OTOA: variants seen among roughly 807,000 people sequenced by gnomAD.
OTOA encodes cancer/testis antigen 108.
OTOA carries 70 observed loss-of-function variants against 110.8 expected under a neutral mutation model. The observed-to-expected ratio is 0.63, with a 90% CI of 0.52 to 0.77. The LOEUF is 0.77. Among genes scored for constraint, OTOA ranks in the 30% least tolerant of loss-of-function variants. The probability of loss-of-function intolerance (pLI) is 0.00; values close to 1 mark genes in which losing one functional copy is unlikely to be tolerated. For synonymous variants in OTOA, 373 were observed against 431.5 expected, an observed-to-expected ratio of 0.86 and a Z score of 1.68; for missense variants, 917 against 1,075.8, an observed-to-expected ratio of 0.85 and a Z score of 2.06.
chr16:21,760,641 C>T lies in OTOA; in HGVS notation c.*101C>T. 1.9e-6 allele frequency: 2 copies of T among 1,069,988 alleles called. No homozygotes were observed. The highest frequency in any genetic ancestry group is 2.8e-6 in the Non-Finnish European group (2 of 720,290). The allele number at this position is 1,069,988 out of a possible 1,614,324, so 66.3% of individuals were successfully genotyped here. On this transcript the variant is annotated 3_prime_UTR_variant, in exon 29 of 29. Coordinates refer to ENST00000646100, the MANE Select transcript of OTOA (RefSeq NM_144672.4). ...GGGACACCCTTCCCTGGATCCAGAC[C>T]CTCATCTAGGGCAGGGAAACCCTGG...
At chr16:21,730,705 A>G (rs1003731817) in intron 20 of OTOA, 132 bp from the exon 21 acceptor site, 4 of 731,606 alleles carry the variant, frequency 5.5e-6, no homozygotes, top group Non-Finnish European at 9.6e-6. Flanking sequence ...TTCTTGGTCA[A>G]GGAAGTGGGA....
Position 21,700,934 on chromosome 16 carries a change from T to A in OTOA, c.887T>A (p.Met296Lys). ...SYDNATKQLD[M>K]VYDITPELAQ... Reference sequence around the variant, plus strand: ...GACAACGCCACCAAGCAGCTGGACATGGTCTATGACATCACACCTGAGCTG... The same window carrying A: ...GACAACGCCACCAAGCAGCTGGACAAGGTCTATGACATCACACCTGAGCTG... Residue 296 changes from methionine (M) to lysine (K), a missense_variant, in exon 11 of 29, where the codon ATG becomes AAG. By Grantham distance (95) the Met-to-Lys change is moderately conservative. This residue lies in a region of OTOA where 840 missense variants were observed against 910.2 expected (regional missense o/e 0.92). Transcript: ENST00000646100. 1 of 1,614,044 alleles carries A rather than the reference T, an allele frequency of 6.2e-7. No individual in the cohort carries two copies. Among genetic ancestry groups the A allele is most frequent in the Non-Finnish European group, 8.5e-7 (1 of 1,180,004 alleles).
intron 15 of OTOA, 79 bp from the exon 16 acceptor site, chr16:21,719,054 T>A: frequency 7.3e-7 from 1 of 1,373,862 alleles, no homozygotes; most frequent in East Asian, 2.3e-5. Context: ...GATTGTGGAA[T>A]GCCTTCCTGA....
At chr16:21,723,982 CA>C (rs1221866326) in intron 18 of OTOA, among the ~76,000 whole-genome samples, 1 of 152,160 alleles carries the variant, frequency 6.6e-6, no homozygotes, top group African/African-American at 2.4e-5. Flanking sequence ...TGACTGACTT[CA>C]ATCTGTATTG....
chr16:21,714,489 T>C (rs4997884), intron 13 of OTOA, among the ~76,000 whole-genome samples: 22 of 131,508 alleles, frequency 1.7e-4, no homozygotes, highest in Non-Finnish European at 2.9e-4. Flanking sequence ...CCTCTCCCTC[T>C]CTCTCTCTCT....
chr16:21,717,159 G>A (rs1449590723), intron 15 of OTOA, 112 bp downstream of exon 15: 11 of 1,440,470 alleles, frequency 7.6e-6, no homozygotes, highest in Non-Finnish European at 1.1e-5. Flanking sequence ...TGTGGGATTA[G>A]TATAGGAGGC....
At chr16:21,679,239 G>C in intron 5 of OTOA, 28 bp downstream of exon 5, 2 of 1,606,236 alleles carry the variant, frequency 1.2e-6, no homozygotes, top group Non-Finnish European at 1.7e-6. Context: ...AGAGGGGAAG[G>C]GATGGTATAG....
Position 21,728,245 on chromosome 16 carries a change from A to T in OTOA, c.2021A>T (p.Asp674Val), listed in dbSNP as rs930322780. 1.2e-6 allele frequency: 2 copies of T among 1,613,738 alleles called. No homozygotes were observed. Among genetic ancestry groups the T allele is most frequent in the Non-Finnish European group, 1.7e-6 (2 of 1,179,948 alleles). The part of the protein sequence containing the change: ...VLRKVQQCLD[D>V]SIADEYTVDI... ...GGCTCCACTTTTTGGGTTCAGGACGACTCCATTGCTGATGAGTACACTGTG... is the reference window on the plus strand; with the variant it reads ...GGCTCCACTTTTTGGGTTCAGGACGTCTCCATTGCTGATGAGTACACTGTG... Residue 674 changes from aspartate to valine, a missense_variant, in exon 20 of 29, where the codon GAC (aspartate) becomes GTC (valine). Asp to Val is a radical substitution (Grantham distance 152, BLOSUM62 -3). This residue lies in a region of OTOA where 840 missense variants were observed against 910.2 expected (regional missense o/e 0.92). Coordinates refer to ENST00000646100, the MANE Select transcript of OTOA (RefSeq NM_144672.4).
intron 9 of OTOA, among the ~76,000 whole-genome samples, chr16:21,695,708 G>A (rs185359463): frequency 2.4e-4 from 37 of 151,428 alleles, no homozygotes; most frequent in Non-Finnish European, 5.4e-4. Flanking sequence ...AGCTCTTGAT[G>A]TTAGAGTCAC....
rs569653830 is a variant in OTOA at position 21,726,701 on chromosome 16, G to A, written c.2016+43G>A. The A allele has an allele frequency of 2.5e-6, 4 of 1,612,956 alleles. No individual in the cohort carries two copies. In the South Asian group the frequency reaches 3.3e-5, roughly 13 times the overall value. ...GGGTGTCCCCTCCCTCTGGGTATCT[G>A]TGGCCATCTTGGGGAGCCCTGTGAG... On this transcript the variant is annotated intron_variant, in intron 19 of 28. Coordinates refer to ENST00000646100, the MANE Select transcript of OTOA (RefSeq NM_144672.4).
At chr16:21,696,799 A>T (rs1324808037) in intron 9 of OTOA, among the ~76,000 whole-genome samples, 1 of 152,028 alleles carries the variant, frequency 6.6e-6, no homozygotes, top group Non-Finnish European at 1.5e-5. Flanking sequence ...ATGTTTCCAG[A>T]TTATTTAGTA....
chr16:21,700,604 A>C (rs1430874571), intron 10 of OTOA, among the ~76,000 whole-genome samples: 3 of 151,880 alleles, frequency 2.0e-5, no homozygotes, highest in Non-Finnish European at 4.4e-5. Flanking sequence ...GGGCACCTGT[A>C]GTCCCAGCTA....
At chr16:21,721,434 G>GT in intron 17 of OTOA, 1 of 456,000 alleles carries the variant, frequency 2.2e-6, no homozygotes, top group South Asian at 1.5e-5. Context: ...CCTCTAGTGG[G>GT]TAGAGGCCAG....
At chr16:21,728,923 A>C (rs1899019746) in intron 20 of OTOA, among the ~76,000 whole-genome samples, 2 of 152,178 alleles carry the variant, frequency 1.3e-5, no homozygotes. Context: ...AATCAATAGT[A>C]GCTGCCCTAA....
chr16:21,696,600 C>T (rs1004148505), intron 9 of OTOA, among the ~76,000 whole-genome samples: 6 of 151,914 alleles, frequency 3.9e-5, no homozygotes, highest in African/African-American at 9.7e-5. Flanking sequence ...GACAGAGTCT[C>T]GCTCTGTCAC....
At chr16:21,714,502 T>C (rs571274341) in intron 13 of OTOA, among the ~76,000 whole-genome samples, 11 of 77,334 alleles carry the variant, frequency 1.4e-4, no homozygotes, top group African/African-American at 2.8e-4. Flanking sequence ...CTCTCTCTCT[T>C]TCTTTCTTTC....
intron 11 of OTOA, among the ~76,000 whole-genome samples, chr16:21,702,965 C>T (rs577180586): frequency 1.1e-4 from 16 of 152,244 alleles, no homozygotes; most frequent in Non-Finnish European, 2.4e-4. Context: ...TGAACTACCA[C>T]GCCAAGCCTA....
Position 21,721,274 on chromosome 16 carries a change from CACACAA to C in OTOA, c.1807-1627_1807-1622del, listed in dbSNP as rs753588484. 1,378 of 449,834 alleles carry C rather than the reference CACACAA, an allele frequency of 3.1e-3. 31 individuals carry two copies. Among genetic ancestry groups the C allele is most frequent in the East Asian group, 0.01 (143 of 13,858 alleles). The allele number at this position is 449,834 out of a possible 1,614,324, so 27.9% of individuals were successfully genotyped here. On this transcript the variant is annotated intron_variant, in intron 17 of 28. Transcript: ENST00000646100. Reference sequence around the variant, plus strand: ...ACACACACACACACACACACACACACACACAAACAACCAATACAGAGAAAGTAAAAT... The same window carrying C: ...ACACACACACACACACACACACACACACAACCAATACAGAGAAAGTAAAAT...
chr16:21,705,491 C>A, intron 12 of OTOA, 199 bp downstream of exon 12: 1 of 788,234 alleles, frequency 1.3e-6, no homozygotes, highest in Non-Finnish European at 2.0e-6. Context: ...AAGGAACAGA[C>A]CCTGGGGAGA....
Sources: allele counts gnomAD v4.1 joint callset (sites outside exome capture counted in the v4.1 genomes callset), GRCh38; gene constraint gnomAD v4.1.1; regional missense constraint gnomAD v4.1.1; transcripts MANE v1.5; gene names NCBI Gene and HGNC (gene_info 2026-07-23, HGNC 2026-07-21).